Variants in BRI3 observed in about 807,000 individuals in gnomAD.
BRI3 encodes the protein membrane protein BRI3.
Under a neutral mutation model 12.8 loss-of-function variants are expected in BRI3, and 6 were observed. The ratio of observed to expected loss-of-function variants is 0.47; its 90% CI spans 0.26 to 0.93. The LOEUF is 0.93. Ranked by LOEUF, BRI3 falls within the 40% of genes least tolerant of loss-of-function variation. The pLI, the probability that BRI3 is intolerant of heterozygous loss-of-function variation, is 0.15. For missense variants in BRI3, 134 were observed against 171.1 expected (o/e 0.78, Z 1.21); for synonymous variants, 91 against 76.1 (o/e 1.20, Z -1.02).
At chr7:98,293,050 C>A, downstream of BRI3, 1 of 865,980 alleles carries the variant, frequency 1.2e-6, no homozygotes. Context: ...ATTTATATTG[C>A]TTAAAATTAT....
downstream of BRI3, chr7:98,293,119 G>GATT: frequency 5.0e-6 from 2 of 402,152 alleles, no homozygotes; most frequent in Non-Finnish European, 7.2e-6. Context: ...ATGCTATTAA[G>GATT]AGCACATGCT....
At chr7:98,293,670 C>T (rs1800063840), downstream of BRI3, 1 of 1,433,384 alleles carries the variant, frequency 7.0e-7, no homozygotes, top group Non-Finnish European at 9.8e-7. Flanking sequence ...TGCTAATAAC[C>T]CGTTCTTGCC....
chr7:98,294,958 C>T (rs565131617), downstream of BRI3, among the ~76,000 whole-genome samples: 3 of 152,342 alleles, frequency 2.0e-5, no homozygotes, highest in East Asian at 5.8e-4. Context: ...GTTTAACACT[C>T]TTTCCTGCCT....
chr7:98,299,041 G>A (rs1456034327), intron 1 of BRI3, among the ~76,000 whole-genome samples: 2 of 151,950 alleles, frequency 1.3e-5, no homozygotes, highest in Non-Finnish European at 2.9e-5. Flanking sequence ...TTGAGATGGA[G>A]TTTTCCTCTT....
At chr7:98,288,034 G>T (rs1799769842) in intron 2 of BRI3, among the ~76,000 whole-genome samples, 1 of 152,166 alleles carries the variant, frequency 6.6e-6, no homozygotes, top group South Asian at 2.1e-4. Flanking sequence ...CGGTGACACT[G>T]GGGACCACTC....
chr7:98,297,406 C>T (rs889623491), downstream of BRI3, among the ~76,000 whole-genome samples: 1 of 152,164 alleles, frequency 6.6e-6, no homozygotes, highest in Non-Finnish European at 1.5e-5. Context: ...TTCCCTTGGG[C>T]TGCAGCAGAG....
At chr7:98,290,029 T>C (rs910611440) in intron 2 of BRI3, among the ~76,000 whole-genome samples, 12 of 152,198 alleles carry the variant, frequency 7.9e-5, no homozygotes, top group Non-Finnish European at 1.0e-4. Flanking sequence ...CATGGCCGAC[T>C]GTAGTCTCCC....
rs1800703233 is a variant in BRI3 at position 98,307,514 on chromosome 7, G to A, written n.145-1G>A. On this transcript the variant is annotated splice_acceptor_variant and non_coding_transcript_variant, in intron 1 of 1. Coordinates refer to the BRI3 transcript ENST00000485422. The stretch of plus-strand genomic sequence containing the variant: ...CACCAAATGTATCTCTACATGCACA[G>A]ACATACAGAAAATAGCCTGGGATCG... 4 of 1,448,112 alleles carry A rather than the reference G, an allele frequency of 2.8e-6. No individual in the cohort carries two copies. In the Admixed American group the frequency reaches 1.0e-4, roughly 37 times the overall value. 89.7% of individuals were successfully genotyped at this position (1,448,112 alleles called of 1,614,324 possible). A position where few individuals can be genotyped will look rare whatever the true frequency, so the allele number is the denominator to read the frequency against.
the BRI3 span, chr7:98,320,274 C>G: frequency 6.2e-7 from 1 of 1,609,058 alleles, no homozygotes; most frequent in Non-Finnish European, 8.5e-7. Context: ...CTTGTGGGTA[C>G]TTGAAATCTC....
At chr7:98,286,505 C>T (rs1245490485) in intron 2 of BRI3, among the ~76,000 whole-genome samples, 2 of 152,180 alleles carry the variant, frequency 1.3e-5, no homozygotes, top group Non-Finnish European at 1.5e-5. Flanking sequence ...AGGACCAGAG[C>T]GGTTGAGAAG....
At chr7:98,304,245 G>A (rs763359639), upstream of BRI3, 22 of 1,613,122 alleles carry the variant, frequency 1.4e-5, no homozygotes, top group African/African-American at 2.7e-5. Context: ...GGTGGATGTC[G>A]TCCTGGCCGA....
chr7:98,294,249 T>G (rs1800092387), downstream of BRI3: 1 of 829,732 alleles, frequency 1.2e-6, no homozygotes, highest in Non-Finnish European at 1.9e-6. Context: ...CACCTTGGCC[T>G]CCTAATGTGC....
At chr7:98,284,017 T>C (rs78920730) in intron 2 of BRI3, among the ~76,000 whole-genome samples, 1,599 of 152,336 alleles carry the variant, frequency 0.01, 36 homozygotes, top group African/African-American at 0.037. Context: ...TCCGCTAACC[T>C]GGAGGTGCTC....
At chr7:98,297,183 G>A (rs889592236), downstream of BRI3, among the ~76,000 whole-genome samples, 8 of 152,232 alleles carry the variant, frequency 5.3e-5, no homozygotes, top group African/African-American at 1.9e-4. Context: ...GACACATCTT[G>A]TGATCCCCCA....
chr7:98,305,902 T>C (rs568704292), upstream of BRI3, among the ~76,000 whole-genome samples: 1 of 152,110 alleles, frequency 6.6e-6, no homozygotes, highest in Non-Finnish European at 1.5e-5. Context: ...CATCAGTGTA[T>C]TTCAAGCCAT....
chr7:98,296,632 A>G (rs1800203643), downstream of BRI3, among the ~76,000 whole-genome samples: 1 of 151,870 alleles, frequency 6.6e-6, no homozygotes, highest in Non-Finnish European at 1.5e-5. Context: ...TGTAAAAAAC[A>G]AAAAAACAAA....
At chr7:98,292,581 T>C (rs528332601), downstream of BRI3, 12 of 1,505,640 alleles carry the variant, frequency 8.0e-6, no homozygotes, top group East Asian at 4.9e-5. Context: ...ATCCATACCA[T>C]AGGGCCAGGT....
chr7:98,304,843 T>TTTA (rs1329215503), upstream of BRI3, among the ~76,000 whole-genome samples: 3 of 151,456 alleles, frequency 2.0e-5, no homozygotes, highest in Non-Finnish European at 4.4e-5. Context: ...TTTAGTGGTT[T>TTTA]CTAAACATAT....
At chr7:98,295,758 C>T (rs1800163532), downstream of BRI3, among the ~76,000 whole-genome samples, 1 of 152,140 alleles carries the variant, frequency 6.6e-6, no homozygotes, top group Admixed American at 6.5e-5. Context: ...CACCCTCCAC[C>T]CACCCCAAGC....
Sources: gnomAD v4.1 joint callset for allele counts (sites outside exome capture counted in the v4.1 genomes callset) on GRCh38, gnomAD v4.1.1 for gene constraint, MANE v1.5 for transcripts, NCBI Gene and HGNC (gene_info 2026-07-23, HGNC 2026-07-21) for gene names.